Variants in PLBD1 observed in about 807,000 individuals in gnomAD.
The protein encoded by PLBD1 is lysosomal leucine aminopeptidase.
A neutral mutation model predicts 63.0 loss-of-function variants in PLBD1; 60 were observed. That is an observed-to-expected ratio of 0.95 (90% confidence interval 0.77 to 1.18). PLBD1 has a LOEUF of 1.18. Among genes scored for constraint, PLBD1 ranks in the 50% most tolerant of loss-of-function variants. The pLI is 0.00. For missense variants in PLBD1, 598 were observed against 677.9 expected (o/e 0.88, Z 1.31); for synonymous variants, 262 against 248.0 (o/e 1.06, Z -0.53).
intron 1 of PLBD1, among the ~76,000 whole-genome samples, chr12:14,565,465 A>G (rs1945773880): frequency 6.6e-6 from 1 of 151,880 alleles, no homozygotes; most frequent in Non-Finnish European, 1.5e-5. Flanking sequence ...ATAATAGGAA[A>G]TAATAGTAAA....
intron 1 of PLBD1, among the ~76,000 whole-genome samples, chr12:14,555,160 C>T (rs1592009713): frequency 6.6e-6 from 1 of 152,308 alleles, no homozygotes; most frequent in East Asian, 1.9e-4. Context: ...ATCCATTCTT[C>T]GTTCTCTACC....
chr12:14,540,620 A>C, intron 4 of PLBD1, 144 bp downstream of exon 4: 1 of 850,594 alleles, frequency 1.2e-6, no homozygotes, highest in Non-Finnish European at 1.6e-6. Context: ...CTGCAATATG[A>C]GAGCTATGAC....
intron 6 of PLBD1, among the ~76,000 whole-genome samples, chr12:14,526,472 C>G (rs1945416288): frequency 6.6e-6 from 1 of 152,064 alleles, no homozygotes; most frequent in Non-Finnish European, 1.5e-5. Context: ...CAAATGATGA[C>G]CTAAATTTCC....
intron 2 of PLBD1, among the ~76,000 whole-genome samples, chr12:14,543,075 T>C (rs1945588718): frequency 9.9e-5 from 2 of 20,238 alleles, no homozygotes; most frequent in Admixed American, 2.1e-3. Flanking sequence ...AATAATCCAC[T>C]TATATTACTG....
intron 1 of PLBD1, among the ~76,000 whole-genome samples, chr12:14,556,455 C>T (rs575583916): frequency 1.3e-5 from 2 of 151,948 alleles, no homozygotes; most frequent in African/African-American, 4.8e-5. Context: ...CCGCAAACTC[C>T]ACCTCCCAGT....
At chr12:14,525,161 C>T (rs1232095681) in intron 6 of PLBD1, among the ~76,000 whole-genome samples, 1 of 152,106 alleles carries the variant, frequency 6.6e-6, no homozygotes, top group African/African-American at 2.4e-5. Flanking sequence ...ACTTGGGAGG[C>T]TGAGGCAGGA....
intron 6 of PLBD1, chr12:14,530,894 C>T (rs997184973): frequency 1.3e-5 from 2 of 152,218 alleles, no homozygotes; most frequent in African/African-American, 2.4e-5. Context: ...GGCAAACAGA[C>T]CATGTATTCA....
In PLBD1 at chr12:14,511,533, G is replaced by A. The variant is rs770929058; in HGVS notation, c.1023C>T (p.Asp341=). 4 of 1,614,076 alleles carry A rather than the reference G, an allele frequency of 2.5e-6. No homozygotes were observed. Among genetic ancestry groups the A allele is most frequent in the African/African-American group, 1.3e-5 (1 of 74,926 alleles). Residue 341 remains aspartate, a synonymous_variant, in exon 7 of 11, where the codon GAC becomes GAT. Transcript: ENST00000240617. The stretch of plus-strand genomic sequence containing the variant: ...TACCAGAGTTGTATTTTGAAAAGAT[G>A]TCTGCCCACCTCTTGCCACTATCTG... ...MMADSGKRWA[D]IFSKYNSGTY...
intron 1 of PLBD1, 185 bp from the exon 2 acceptor site, chr12:14,553,597 G>C (rs964153130): frequency 3.1e-5 from 19 of 616,448 alleles, no homozygotes; most frequent in Non-Finnish European, 5.1e-5. Context: ...CCAATCAAGG[G>C]GGATAAGCCC....
chr12:14,506,569 T>C (rs1258995977), intron 9 of PLBD1, among the ~76,000 whole-genome samples: 2 of 152,228 alleles, frequency 1.3e-5, no homozygotes, highest in African/African-American at 4.8e-5. Context: ...TTGACTTTGA[T>C]GCTGTTCATA....
At chr12:14,518,102 A>G (rs1218762745) in intron 6 of PLBD1, among the ~76,000 whole-genome samples, 1 of 152,104 alleles carries the variant, frequency 6.6e-6, no homozygotes, top group Non-Finnish European at 1.5e-5. Flanking sequence ...AATCACTTGA[A>G]CCTGGGAGGC....
At chr12:14,504,616 A>C (rs1334443559) in intron 10 of PLBD1, among the ~76,000 whole-genome samples, 1 of 152,224 alleles carries the variant, frequency 6.6e-6, no homozygotes, top group Non-Finnish European at 1.5e-5. Context: ...CATGAGGATT[A>C]ATGCAAGCAA....
At chr12:14,525,213 G>A (rs1366829579) in intron 6 of PLBD1, among the ~76,000 whole-genome samples, 2 of 152,148 alleles carry the variant, frequency 1.3e-5, no homozygotes, top group Non-Finnish European at 2.9e-5. Flanking sequence ...AGTGAACTGA[G>A]ATCGCATCAC....
At chr12:14,544,693 T>A (rs1945603345) in intron 2 of PLBD1, among the ~76,000 whole-genome samples, 1 of 152,166 alleles carries the variant, frequency 6.6e-6, no homozygotes, top group East Asian at 1.9e-4. Context: ...TGATTCAGAA[T>A]TTTTTCTCTG....
Position 14,516,158 on chromosome 12 carries a change from G to A in PLBD1, c.845-4447C>T, listed in dbSNP as rs185885580. Among the ~76,000 whole-genome samples, 99 of 151,766 alleles carry A rather than the reference G, an allele frequency of 6.5e-4. 1 individual carries two copies. The highest frequency in any genetic ancestry group is 2.3e-3 in the African/African-American group (94 of 41,368). On this transcript the variant is annotated intron_variant, in intron 6 of 10. Coordinates refer to ENST00000240617, the MANE Select transcript of PLBD1 (RefSeq NM_024829.6). ...AGCCTGACCAACATGGTGAAACCCC[G>A]TCTCTACTAAAAATACAAAAATTAG...
chr12:14,529,096 A>G (rs1945439988), intron 6 of PLBD1, among the ~76,000 whole-genome samples: 1 of 152,142 alleles, frequency 6.6e-6, no homozygotes. Context: ...TTGGGAAACC[A>G]AGGCAGGAGG....
rs1444891446 is a variant in PLBD1 at position 14,536,562 on chromosome 12, T to C, written c.699+8A>G. The C allele has an allele frequency of 6.2e-7, 1 of 1,613,352 alleles. No homozygotes were observed. The highest frequency in any genetic ancestry group is 8.5e-7 in the Non-Finnish European group (1 of 1,179,580). On this transcript the variant is annotated splice_region_variant and intron_variant, in intron 5 of 10. Transcript: ENST00000240617. ...CAGAACAAGGCAAAAGGAGCTGCTA[T>C]GTCTTACCTTGATAAGAGCGGAGCA...
chr12:14,551,018 G>T (rs1945654769), intron 2 of PLBD1, among the ~76,000 whole-genome samples: 1 of 151,908 alleles, frequency 6.6e-6, no homozygotes, highest in Non-Finnish European at 1.5e-5. Flanking sequence ...ACTCCAGCCT[G>T]GTAACAGAGC....
chr12:14,548,414 G>T (rs1945631838), intron 2 of PLBD1, among the ~76,000 whole-genome samples: 1 of 132,486 alleles, frequency 7.5e-6, no homozygotes, highest in South Asian at 2.4e-4. Flanking sequence ...CCGAGATTGT[G>T]CCACTGCATT....
Sources: gnomAD v4.1 joint callset for allele counts (sites outside exome capture counted in the v4.1 genomes callset) on GRCh38, gnomAD v4.1.1 for gene constraint, MANE v1.5 for transcripts, NCBI Gene and HGNC (gene_info 2026-07-23, HGNC 2026-07-21) for gene names.